The following SRP72 variants were observed in gnomAD, a reference collection of about 807,000 sequenced individuals.
SRP72 encodes signal recognition particle 72, also known as signal recognition particle subunit SRP72.
Under a neutral mutation model 96.3 loss-of-function variants are expected in SRP72, and 49 were observed. The observed-to-expected ratio is 0.51, with a 90% CI of 0.40 to 0.65. The LOEUF is 0.65. Ranked by LOEUF, SRP72 falls within the 30% of genes least tolerant of loss-of-function variation. The pLI, the probability that SRP72 is intolerant of heterozygous loss-of-function variation, is 0.00. For synonymous variants in SRP72, 267 were observed against 275.2 expected (o/e 0.97, Z 0.30); for missense variants, 736 against 793.3 (o/e 0.93, Z 0.87).
intron 3 of SRP72, among the ~76,000 whole-genome samples, chr4:56,472,530 A>G (rs542297443): frequency 2.0e-5 from 3 of 151,842 alleles, no homozygotes; most frequent in Non-Finnish European, 4.4e-5. Flanking sequence ...ATTTTTTAGT[A>G]GAGATGGGGT....
At chr4:56,496,873 C>G (rs1054309019) in intron 17 of SRP72, among the ~76,000 whole-genome samples, 2 of 152,076 alleles carry the variant, frequency 1.3e-5, no homozygotes, top group African/African-American at 4.8e-5. Flanking sequence ...CCTGTAATCC[C>G]AGCTACTTGG....
chr4:56,481,488 C>A (rs544459402), intron 8 of SRP72, among the ~76,000 whole-genome samples: 1 of 152,080 alleles, frequency 6.6e-6, no homozygotes, highest in Non-Finnish European at 1.5e-5. Flanking sequence ...ACTGTGCCCC[C>A]ACATGGGAAT....
rs77935196 is a variant in SRP72 at position 56,478,613 on chromosome 4, A to G, written c.789A>G (p.Leu263=). Residue 263 remains leucine, a synonymous_variant, in exon 8 of 19, where the codon CTA becomes CTG. Transcript: ENST00000642900. ...ACAGACCAACAGATGTGGGATTACT[A>G]GCTGTAATTGCAAATAACATCATTA... ...IKLKPTDVGL[L]AVIANNIITI... 776 of 1,614,038 alleles carry G rather than the reference A, an allele frequency of 4.8e-4. 9 individuals carry two copies. In the East Asian group the frequency reaches 0.016, roughly 33 times the overall value.
chr4:56,469,855 A>G (rs1435893726), intron 2 of SRP72, 82 bp downstream of exon 2: 23 of 1,290,490 alleles, frequency 1.8e-5, no homozygotes, highest in East Asian at 5.4e-5. Context: ...TTTCCCAACT[A>G]TTTGCTGATT....
intron 13 of SRP72, 48 bp from the exon 14 acceptor site, chr4:56,490,285 C>A (rs900170166): frequency 1.4e-6 from 2 of 1,456,444 alleles, no homozygotes; most frequent in Non-Finnish European, 1.9e-6. Context: ...CATGCACTTG[C>A]TAGATATTTA....
At position 56,471,836 on chromosome 4, in the gene SRP72, G is replaced by A; in HGVS notation, c.347G>A (p.Gly116Glu). The A allele has an allele frequency of 1.2e-6, 2 of 1,613,774 alleles. No individual in the cohort carries two copies. The change falls in exon 3 of 19, where the codon GGA (glycine) becomes GAA (glutamate). Residue 116 changes from glycine (G) to glutamate (E), a missense_variant. Physicochemically the swap from Gly to Glu is moderately conservative, Grantham distance 98. Coordinates refer to ENST00000642900, the MANE Select transcript of SRP72 (RefSeq NM_006947.4). ...ACAGACAAACTGAAGGAGCTTTATG[G>A]ACAAGTGGTAATTACTGCTTTTAAA... ...QQTDKLKELY[G>E]QVLYRLERYD...
intron 8 of SRP72, among the ~76,000 whole-genome samples, chr4:56,479,981 G>A (rs1720415397): frequency 6.6e-6 from 1 of 152,122 alleles, no homozygotes; most frequent in African/African-American, 2.4e-5. Context: ...TAAGTAATTT[G>A]TATAAGGTCA....
intron 2 of SRP72, among the ~76,000 whole-genome samples, chr4:56,470,272 A>C (rs1343238310): frequency 2.0e-5 from 3 of 152,202 alleles, no homozygotes; most frequent in Non-Finnish European, 4.4e-5. Context: ...CAAACAGTAT[A>C]AAGAGAAACA....
At chr4:56,485,014 T>C (rs1041000668) in intron 10 of SRP72, 150 bp downstream of exon 10, 9 of 962,818 alleles carry the variant, frequency 9.3e-6, no homozygotes, top group Non-Finnish European at 1.3e-5. Context: ...TAGTTAACTC[T>C]TGGGTTACAG....
chr4:56,500,000 G>A (rs947029533), intron 17 of SRP72, among the ~76,000 whole-genome samples: 1 of 152,210 alleles, frequency 6.6e-6, no homozygotes, highest in Non-Finnish European at 1.5e-5. Flanking sequence ...TAAAGAAGAT[G>A]TGGCACATAG....
chr4:56,491,952 C>G (rs1421450414), intron 16 of SRP72, among the ~76,000 whole-genome samples: 1 of 152,190 alleles, frequency 6.6e-6, no homozygotes, highest in African/African-American at 2.4e-5. Context: ...CCTCCGCCTC[C>G]CGGGTTCAAG....
At chr4:56,477,234 A>G (rs1251074713) in intron 6 of SRP72, 1 of 148,450 alleles carries the variant, frequency 6.7e-6, no homozygotes, top group Non-Finnish European at 1.5e-5. Context: ...TATCTTTCTG[A>G]GTATTCAACA....
chr4:56,491,519 C>A lies in SRP72; in HGVS notation c.1591C>A (p.Arg531=). The change falls in exon 16 of 19, where the codon CGG becomes AGG. Residue 531 remains arginine (R), a synonymous_variant. Coordinates refer to ENST00000642900, the MANE Select transcript of SRP72 (RefSeq NM_006947.4). The stretch of plus-strand genomic sequence containing the variant: ...AAATTCTGCTGGTGCTACATACATT[C>A]GGAAGAAGGGTGGAAAAGTTACTGG... ...LENSAGATYI[R]KKGGKVTGDS... 11 of 1,613,796 alleles carry A rather than the reference C, an allele frequency of 6.8e-6. No individual in the cohort carries two copies. Among genetic ancestry groups the A allele is most frequent in the Non-Finnish European group, 9.3e-6 (11 of 1,179,852 alleles).
intron 2 of SRP72, among the ~76,000 whole-genome samples, chr4:56,471,442 C>T (rs1267444128): frequency 6.6e-6 from 1 of 152,148 alleles, no homozygotes; most frequent in Non-Finnish European, 1.5e-5. Context: ...ACTTATTTAG[C>T]AGATGAATGA....
At chr4:56,496,141 AT>A (rs1721066766) in intron 17 of SRP72, among the ~76,000 whole-genome samples, 1 of 152,032 alleles carries the variant, frequency 6.6e-6, no homozygotes, top group South Asian at 2.1e-4. Context: ...ACCGTGCTTG[AT>A]TTTACCTAGT....
At chr4:56,488,075 G>C in intron 12 of SRP72, 62 bp downstream of exon 12, 1 of 1,137,540 alleles carries the variant, frequency 8.8e-7, no homozygotes, top group East Asian at 2.5e-5. Context: ...TGTCTAATGT[G>C]TATTCACTTT....
chr4:56,469,344 T>C (rs1351894137), intron 1 of SRP72, among the ~76,000 whole-genome samples: 1 of 152,224 alleles, frequency 6.6e-6, no homozygotes, highest in Non-Finnish European at 1.5e-5. Context: ...AGATGAAATA[T>C]CTGGAGAAAT....
intron 3 of SRP72, 106 bp from the exon 4 acceptor site, chr4:56,473,948 T>G (rs986300626): frequency 1.9e-6 from 2 of 1,078,184 alleles, no homozygotes; most frequent in Non-Finnish European, 2.6e-6. Flanking sequence ...GTTCATGTTA[T>G]GCTGAACTAG....
chr4:56,483,672 A>AG (rs1491255913), intron 9 of SRP72, among the ~76,000 whole-genome samples: 4 of 152,000 alleles, frequency 2.6e-5, no homozygotes, highest in Non-Finnish European at 5.9e-5. Flanking sequence ...GTCTCCAAAA[A>AG]GAAAAAAAAA....
Sources: gnomAD v4.1 joint callset for allele counts (sites outside exome capture counted in the v4.1 genomes callset) on GRCh38, gnomAD v4.1.1 for gene constraint, MANE v1.5 for transcripts, NCBI Gene and HGNC (gene_info 2026-07-23, HGNC 2026-07-21) for gene names.